The following SGCG variants were observed in gnomAD, a reference collection of about 807,000 sequenced individuals.
The protein encoded by SGCG is gamma-sarcoglycan.
In SGCG, 26 loss-of-function variants were observed where a neutral mutation model predicts 29.3. The observed-to-expected ratio is 0.89, with a 90% CI of 0.65 to 1.23. SGCG has a LOEUF of 1.23. Among genes scored for constraint, SGCG ranks in the 50% most tolerant of loss-of-function variants. SGCG has a pLI of 0.00. For missense variants in SGCG, 353 were observed against 356.0 expected, an observed-to-expected ratio of 0.99 and a Z score of 0.07; for synonymous variants, 145 against 129.7, an observed-to-expected ratio of 1.12 and a Z score of -0.80.
intron 6 of SGCG, among the ~76,000 whole-genome samples, chr13:23,319,416 C>T (rs1367797062): frequency 7.2e-5 from 11 of 152,062 alleles, no homozygotes; most frequent in African/African-American, 1.9e-4. Context: ...TGTCTCTAAG[C>T]GTTTTCTCAT....
At chr13:23,172,420 C>T in the SGCG span, among the ~76,000 whole-genome samples, 108,448 of 151,860 alleles carry the variant, frequency 0.71, 38,791 homozygotes, top group East Asian at 0.79. Context: ...ATTTAAAATA[C>T]ATACAAATAT....
the SGCG span, among the ~76,000 whole-genome samples, chr13:23,168,870 A>G: frequency 6.6e-6 from 1 of 152,010 alleles, no homozygotes; most frequent in Non-Finnish European, 1.5e-5. Context: ...TCTCACATTT[A>G]ATAGCTCTGA....
At chr13:23,184,622 A>C (rs903764235) in intron 1 of SGCG, among the ~76,000 whole-genome samples, 1 of 152,222 alleles carries the variant, frequency 6.6e-6, no homozygotes, top group East Asian at 1.9e-4. Flanking sequence ...TCCCCTTCAC[A>C]GGGCTAGTAC....
intron 2 of SGCG, among the ~76,000 whole-genome samples, chr13:23,232,482 T>A (rs1244490116): frequency 6.6e-6 from 1 of 152,184 alleles, no homozygotes. Context: ...GCTTTCTATT[T>A]GGGGAAGAGC....
intron 4 of SGCG, among the ~76,000 whole-genome samples, chr13:23,251,942 TA>T (rs918203828): frequency 6.6e-6 from 1 of 152,166 alleles, no homozygotes; most frequent in Non-Finnish European, 1.5e-5. Context: ...ACTACAGCCT[TA>T]TGTTAATCTG....
At chr13:23,228,869 GTTTC>G (rs1051587756) in intron 2 of SGCG, among the ~76,000 whole-genome samples, 9 of 151,948 alleles carry the variant, frequency 5.9e-5, no homozygotes, top group African/African-American at 1.7e-4. Context: ...CCAGTCTACT[GTTTC>G]TTTATTTGTT....
intron 6 of SGCG, 22 bp from the exon 7 acceptor site, chr13:23,320,615 G>GCTTTTTTTTCTCA: frequency 2.8e-6 from 2 of 710,898 alleles, no homozygotes; most frequent in Non-Finnish European, 3.7e-6. Context: ...TTTTTTTTTT[G>GCTTTTTTTTCTCA]TGCTTCTTTT....
intron 4 of SGCG, among the ~76,000 whole-genome samples, chr13:23,263,725 A>C (rs1880533807): frequency 6.6e-6 from 1 of 152,112 alleles, no homozygotes; most frequent in Non-Finnish European, 1.5e-5. Context: ...ACTCCAAGAA[A>C]ATCATTCACC....
chr13:23,223,185 G>T (rs1455729656), intron 2 of SGCG, among the ~76,000 whole-genome samples: 1 of 151,192 alleles, frequency 6.6e-6, no homozygotes, highest in African/African-American at 2.4e-5. Flanking sequence ...GGCTGAGGCA[G>T]GAGAATGGCA....
chr13:23,263,482 A>T (rs1441326464), intron 4 of SGCG, among the ~76,000 whole-genome samples: 8 of 152,118 alleles, frequency 5.3e-5, no homozygotes, highest in Non-Finnish European at 1.2e-4. Context: ...TGAATCAGTA[A>T]TAGAAGAAAC....
In SGCG at chr13:23,278,744, C is replaced by T. The variant is rs1251671284; in HGVS notation, c.386-615C>T. On this transcript the variant is annotated intron_variant, in intron 4 of 7. Coordinates refer to ENST00000218867, the MANE Select transcript of SGCG (RefSeq NM_000231.3). ...GAGCTGGAAGGCAATGGGTCTAGAG[C>T]TCAGGTGAAGGGCATAACCTTGGAT... 2.0e-5 allele frequency among the ~76,000 whole-genome samples: 3 copies of T among 152,148 alleles called. No homozygotes were observed. In the East Asian group the frequency reaches 5.8e-4, roughly 29 times the overall value.
rs1004529139 is a variant in SGCG, at chr13:23,280,801, G to A, written c.505+1323G>A. 2.0e-5 allele frequency among the ~76,000 whole-genome samples: 3 copies of A among 152,190 alleles called. No homozygotes were observed. The East Asian group carries it at 5.8e-4, about 29-fold the overall frequency. On this transcript the variant is annotated intron_variant, in intron 5 of 7. Transcript: ENST00000218867. ...TGTGCAAAGGACAGCAGAGTTCTTG[G>A]TAGAGTATCATTGTACTGCAGGGCA...
At chr13:23,226,875 CAAG>C (rs1878918526) in intron 2 of SGCG, among the ~76,000 whole-genome samples, 1 of 152,138 alleles carries the variant, frequency 6.6e-6, no homozygotes, top group Non-Finnish European at 1.5e-5. Context: ...AAAAGGAAAA[CAAG>C]GAGGGTTCAG....
the SGCG span, among the ~76,000 whole-genome samples, chr13:23,168,674 A>G: frequency 1.7e-4 from 26 of 152,230 alleles, no homozygotes; most frequent in Non-Finnish European, 3.1e-4. Context: ...TTCAACAAGA[A>G]CTACATTTGT....
At chr13:23,283,793 C>T (rs1374952520) in intron 5 of SGCG, among the ~76,000 whole-genome samples, 1 of 152,136 alleles carries the variant, frequency 6.6e-6, no homozygotes, top group Non-Finnish European at 1.5e-5. Context: ...TTCAGGAGCT[C>T]TTGTAAGGCA....
At chr13:23,245,834 C>T (rs1879689661) in intron 3 of SGCG, 1 of 152,174 alleles carries the variant, frequency 6.6e-6, no homozygotes, top group Non-Finnish European at 1.5e-5. Context: ...ATTGAGCGCC[C>T]CTCTTTAGGG....
chr13:23,185,785 A>T (rs1876947267), intron 1 of SGCG, among the ~76,000 whole-genome samples: 1 of 152,142 alleles, frequency 6.6e-6, no homozygotes. Flanking sequence ...GGGGAAACAC[A>T]GCCATGGGCG....
chr13:23,236,656 C>A (rs1321825329), intron 3 of SGCG, among the ~76,000 whole-genome samples: 2 of 152,014 alleles, frequency 1.3e-5, no homozygotes, highest in African/African-American at 4.8e-5. Context: ...CCAGCCTGGG[C>A]CACAGAGTGA....
intron 1 of SGCG, among the ~76,000 whole-genome samples, chr13:23,197,316 G>A (rs1468473266): frequency 6.6e-6 from 1 of 152,190 alleles, no homozygotes; most frequent in African/African-American, 2.4e-5. Context: ...TTGTCATTTG[G>A]AGGGACGATG....
Sources: allele counts gnomAD v4.1 joint callset (sites outside exome capture counted in the v4.1 genomes callset), GRCh38; gene constraint gnomAD v4.1.1; transcripts MANE v1.5; gene names NCBI Gene and HGNC (gene_info 2026-07-23, HGNC 2026-07-21).